Variants in ARHGEF7 observed in about 807,000 individuals in gnomAD.
The protein encoded by ARHGEF7 is PAK-interacting exchange factor beta.
Under a neutral mutation model 109.8 loss-of-function variants are expected in ARHGEF7, and 33 were observed. The ratio of observed to expected loss-of-function variants is 0.30; its 90% CI spans 0.23 to 0.40. The LOEUF (loss-of-function observed/expected upper bound fraction) is 0.40, where lower values mean the gene tolerates loss of function less well. Ranked by LOEUF, ARHGEF7 falls within the 10% of genes least tolerant of loss-of-function variation. ARHGEF7 has a pLI of 1.00. For missense variants in ARHGEF7, 938 were observed against 1,098.5 expected (o/e 0.85, Z 2.07); for synonymous variants, 458 against 424.6 (o/e 1.08, Z -0.97).
intron 4 of ARHGEF7, among the ~76,000 whole-genome samples, chr13:111,212,574 T>C (rs571877320): frequency 5.3e-5 from 8 of 152,304 alleles, no homozygotes; most frequent in African/African-American, 1.9e-4. Context: ...CCCATCATCC[T>C]TCATTTCTGG....
At chr13:111,138,670 C>A (rs535164512) in intron 1 of ARHGEF7, among the ~76,000 whole-genome samples, 1 of 152,116 alleles carries the variant, frequency 6.6e-6, no homozygotes, top group Non-Finnish European at 1.5e-5. Flanking sequence ...ACCGTCCTTT[C>A]GGCAAAACCA....
Position 111,127,878 on chromosome 13 carries a change from C to T in ARHGEF7, c.165+12187C>T, listed in dbSNP as rs117060091. On this transcript the variant is annotated intron_variant, in intron 1 of 21. Coordinates refer to ENST00000646102, the MANE Select transcript of ARHGEF7 (RefSeq NM_001354046.2). ...ACATGTAAAAGATAAGATATCATAACCAAGAAGCATTTATCTCAGGAAATA... is the reference window on the plus strand; with the variant it reads ...ACATGTAAAAGATAAGATATCATAATCAAGAAGCATTTATCTCAGGAAATA... 2.5e-3 allele frequency among the ~76,000 whole-genome samples: 381 copies of T among 152,132 alleles called. 8 individuals carry two copies. In the East Asian group the frequency reaches 0.042, roughly 17 times the overall value.
Position 111,154,046 on chromosome 13 carries a change from C to T in ARHGEF7, c.252+55C>T, listed in dbSNP as rs935024403. 1.5e-5 allele frequency: 22 copies of T among 1,511,230 alleles called. 1 individual carries two copies. The South Asian group carries it at 2.2e-4, about 15-fold the overall frequency. The allele number at this position is 1,511,230 out of a possible 1,614,324, so 93.6% of individuals were successfully genotyped here. A position where few individuals can be genotyped will look rare whatever the true frequency, so the allele number is the denominator to read the frequency against. ...GGGGCCGGGAAGACGGGGTTGGGCC[C>T]GGGGTGGGTGCTTCGCTCCAGCCGG... On this transcript the variant is annotated intron_variant, in intron 2 of 21. Transcript: ENST00000646102.
At position 111,147,919 on chromosome 13, in the gene ARHGEF7, G is replaced by C. The variant is rs185119990; in HGVS notation, c.166-5986G>C. Among the ~76,000 whole-genome samples, 147 of 151,960 alleles carry C rather than the reference G, an allele frequency of 9.7e-4. 2 individuals are homozygous for C. In the East Asian group the frequency reaches 0.025, roughly 26 times the overall value. ...TCACCGTTTTAGCCGGGATGGTCTC[G>C]ATCTCCTGACCTCGTGATCCGCCCG... is the stretch of plus-strand genomic sequence containing the variant. On this transcript the variant is annotated intron_variant, in intron 1 of 21. Coordinates refer to ENST00000646102, the MANE Select transcript of ARHGEF7 (RefSeq NM_001354046.2).
At chr13:111,250,305 C>T (rs1452912134) in intron 8 of ARHGEF7, among the ~76,000 whole-genome samples, 1 of 152,188 alleles carries the variant, frequency 6.6e-6, no homozygotes, top group African/African-American at 2.4e-5. Context: ...GCAGCTTTCT[C>T]AGGTATGCGT....
chr13:111,250,629 A>G (rs1047374315), intron 8 of ARHGEF7, among the ~76,000 whole-genome samples: 3 of 152,102 alleles, frequency 2.0e-5, no homozygotes, highest in South Asian at 2.1e-4. Context: ...GTTCAGTTCT[A>G]TTCGGACATT....
intron 2 of ARHGEF7, among the ~76,000 whole-genome samples, chr13:111,170,427 AC>A (rs1407273201): frequency 6.6e-6 from 1 of 152,168 alleles, no homozygotes; most frequent in Non-Finnish European, 1.5e-5. Flanking sequence ...GGAAGACCAA[AC>A]GTGGACGTCA....
At chr13:111,225,080 TTTC>T (rs1309936492) in intron 5 of ARHGEF7, among the ~76,000 whole-genome samples, 2 of 152,042 alleles carry the variant, frequency 1.3e-5, no homozygotes, top group African/African-American at 4.8e-5. Context: ...AAGTGAATAT[TTTC>T]CTAGATTGGT....
chr13:111,267,220 A>G (rs2091725621), intron 8 of ARHGEF7, among the ~76,000 whole-genome samples: 3 of 152,214 alleles, frequency 2.0e-5, no homozygotes, highest in South Asian at 2.1e-4. Context: ...ACCACATTCA[A>G]TAATTCTCCT....
At chr13:111,247,790 T>G (rs2089141421) in intron 8 of ARHGEF7, among the ~76,000 whole-genome samples, 1 of 152,200 alleles carries the variant, frequency 6.6e-6, no homozygotes, top group South Asian at 2.1e-4. Context: ...GTGTTTGTAC[T>G]ACAGTGGCAG....
chr13:111,200,363 C>T (rs1414758050), intron 2 of ARHGEF7, among the ~76,000 whole-genome samples: 2 of 152,120 alleles, frequency 1.3e-5, no homozygotes, highest in African/African-American at 4.8e-5. Flanking sequence ...TAGCCAGCTG[C>T]TGAATTCCTC....
At chr13:111,134,611 A>C (rs2074992152) in intron 1 of ARHGEF7, among the ~76,000 whole-genome samples, 2 of 152,010 alleles carry the variant, frequency 1.3e-5, no homozygotes, top group African/African-American at 4.8e-5. Context: ...GTGTCTGTTC[A>C]TATCCTTCAC....
At chr13:111,138,859 C>T (rs776887568) in intron 1 of ARHGEF7, among the ~76,000 whole-genome samples, 11 of 152,132 alleles carry the variant, frequency 7.2e-5, no homozygotes, top group African/African-American at 1.9e-4. Flanking sequence ...TCTGGAGAAC[C>T]GGCTCCAGCT....
chr13:111,169,595 C>G (rs1282963675), intron 2 of ARHGEF7, among the ~76,000 whole-genome samples: 1 of 152,234 alleles, frequency 6.6e-6, no homozygotes, highest in Non-Finnish European at 1.5e-5. Context: ...TATACTTCGA[C>G]ATGAGAACCA....
At chr13:111,162,555 C>T (rs1004957931) in intron 2 of ARHGEF7, among the ~76,000 whole-genome samples, 1 of 152,196 alleles carries the variant, frequency 6.6e-6, no homozygotes, top group Admixed American at 6.5e-5. Flanking sequence ...TCTCACTTTA[C>T]AGTCGAGAGA....
chr13:111,215,232 C>T (rs1019771047), intron 4 of ARHGEF7, among the ~76,000 whole-genome samples: 13 of 152,044 alleles, frequency 8.6e-5, no homozygotes, highest in African/African-American at 2.9e-4. Context: ...TTAAGGAGTG[C>T]TTTCTAATGC....
rs550334643 is a variant in ARHGEF7, at chr13:111,279,337, G to A, written c.1507-935G>A. Among the ~76,000 whole-genome samples, 7 of 152,230 alleles carry A rather than the reference G, an allele frequency of 4.6e-5. No homozygotes were observed. In the East Asian group the frequency reaches 1.4e-3, roughly 29 times the overall value. On this transcript the variant is annotated intron_variant, in intron 13 of 21. Coordinates refer to ENST00000646102, the MANE Select transcript of ARHGEF7 (RefSeq NM_001354046.2). ...TTCATGGCCAGGGGCTGGGGGTCTC[G>A]GTGAGACTGTCCTGGGCACTGTAGG... is the stretch of plus-strand genomic sequence containing the variant.
intron 8 of ARHGEF7, among the ~76,000 whole-genome samples, chr13:111,260,133 C>A (rs1305832517): frequency 6.6e-6 from 1 of 152,104 alleles, no homozygotes; most frequent in East Asian, 1.9e-4. Flanking sequence ...CCCAAAAGGG[C>A]AAATCCAGGA....
chr13:111,280,459 G>A (rs1317939273), intron 14 of ARHGEF7, 79 bp from the exon 15 acceptor site: 1 of 1,582,346 alleles, frequency 6.3e-7, no homozygotes, highest in African/African-American at 1.4e-5. Context: ...TAAGCGCTGA[G>A]TGGAATTCTG....
Sources: allele counts gnomAD v4.1 joint callset (sites outside exome capture counted in the v4.1 genomes callset), GRCh38; gene constraint gnomAD v4.1.1; transcripts MANE v1.5; gene names NCBI Gene and HGNC (gene_info 2026-07-23, HGNC 2026-07-21).